STAU2: variants seen among roughly 807,000 people sequenced by gnomAD.
STAU2 encodes the protein staufen double-stranded RNA binding protein 2.
Under a neutral mutation model 65.9 loss-of-function variants are expected in STAU2, and 20 were observed. That is an observed-to-expected ratio of 0.30 (90% CI 0.21 to 0.44). The LOEUF (loss-of-function observed/expected upper bound fraction) is 0.44, where lower values mean the gene tolerates loss of function less well. STAU2 is among the 20% of genes least tolerant of loss of function. The probability of loss-of-function intolerance (pLI) is 1.00; values close to 1 mark genes in which losing one functional copy is unlikely to be tolerated. For missense variants in STAU2, 558 were observed against 683.9 expected, an observed-to-expected ratio of 0.82 and a Z score of 2.05; for synonymous variants, 232 against 233.9, an observed-to-expected ratio of 0.99 and a Z score of 0.07.
intron 12 of STAU2, among the ~76,000 whole-genome samples, chr8:73,552,745 T>C (rs572342816): frequency 6.6e-6 from 1 of 152,272 alleles, no homozygotes; most frequent in African/African-American, 2.4e-5. Flanking sequence ...AAAGGCTGAA[T>C]CAGTCCAAAT....
chr8:73,462,078 CTTAT>C (rs34464950), intron 13 of STAU2, among the ~76,000 whole-genome samples: 1 of 151,098 alleles, frequency 6.6e-6, no homozygotes. Context: ...TTTTTATTTA[CTTAT>C]TTATTTGTTT....
At chr8:73,671,107 C>A (rs528470558) in intron 6 of STAU2, among the ~76,000 whole-genome samples, 1 of 152,014 alleles carries the variant, frequency 6.6e-6, no homozygotes, top group East Asian at 1.9e-4. Context: ...TTCAGCCTCA[C>A]TAGTAATCAA....
intron 4 of STAU2, among the ~76,000 whole-genome samples, chr8:73,704,568 T>C (rs2130620465): frequency 6.6e-6 from 1 of 152,302 alleles, no homozygotes; most frequent in East Asian, 1.9e-4. Flanking sequence ...TTTTAAAAAC[T>C]TTAGTTCAAA....
chr8:73,484,083 G>A (rs751464073), intron 13 of STAU2, among the ~76,000 whole-genome samples: 3 of 152,100 alleles, frequency 2.0e-5, no homozygotes, highest in African/African-American at 7.2e-5. Flanking sequence ...TATTTAAAAA[G>A]CTACATTTCA....
intron 13 of STAU2, among the ~76,000 whole-genome samples, chr8:73,473,577 G>T (rs1820154808): frequency 6.6e-6 from 1 of 152,162 alleles, no homozygotes; most frequent in Non-Finnish European, 1.5e-5. Flanking sequence ...GCTGTGTGAG[G>T]ACTGGCACCT....
intron 13 of STAU2, among the ~76,000 whole-genome samples, chr8:73,518,352 G>C (rs1165505688): frequency 2.0e-5 from 3 of 152,160 alleles, no homozygotes; most frequent in Admixed American, 2.0e-4. Flanking sequence ...AATTTTTAAG[G>C]CTTCTTCCTT....
chr8:73,461,842 T>A (rs1462847036), intron 13 of STAU2, among the ~76,000 whole-genome samples: 1 of 152,138 alleles, frequency 6.6e-6, no homozygotes, highest in Non-Finnish European at 1.5e-5. Context: ...CACTTGGGAC[T>A]CTGCCCAGCC....
chr8:73,546,969 AAGT>A (rs1806979791), intron 13 of STAU2, among the ~76,000 whole-genome samples: 1 of 152,360 alleles, frequency 6.6e-6, no homozygotes, highest in Non-Finnish European at 1.5e-5. Flanking sequence ...AAATAATTCC[AAGT>A]AGTAGAATTT....
intron 3 of STAU2, among the ~76,000 whole-genome samples, chr8:73,715,533 T>A (rs1261615932): frequency 6.6e-6 from 1 of 152,038 alleles, no homozygotes; most frequent in Non-Finnish European, 1.5e-5. Flanking sequence ...TGATAAAGAT[T>A]TTTTTTAATA....
intron 3 of STAU2, among the ~76,000 whole-genome samples, chr8:73,737,290 C>G (rs1806501483): frequency 6.6e-6 from 1 of 151,992 alleles, no homozygotes; most frequent in South Asian, 2.1e-4. Context: ...CCTGCCTCAG[C>G]CTCCCGAGTA....
chr8:73,541,912 A>C (rs1806570768), intron 13 of STAU2, among the ~76,000 whole-genome samples: 1 of 152,152 alleles, frequency 6.6e-6, no homozygotes, highest in African/African-American at 2.4e-5. Context: ...AAGACTAAAG[A>C]AAAATAAATA....
chr8:73,728,316 C>T (rs1199026738), intron 3 of STAU2, among the ~76,000 whole-genome samples: 1 of 152,144 alleles, frequency 6.6e-6, no homozygotes, highest in Non-Finnish European at 1.5e-5. Context: ...CAGTACCACA[C>T]TATTTTGATC....
In STAU2 at chr8:73,490,056, T is replaced by C. The variant is rs144490937; in HGVS notation, c.1530+61956A>G. Among the ~76,000 whole-genome samples, 241 of 152,206 alleles carry C rather than the reference T, an allele frequency of 1.6e-3. 1 individual carries two copies. The highest frequency in any genetic ancestry group is 5.4e-3 in the African/African-American group (226 of 41,560). On this transcript the variant is annotated intron_variant, in intron 13 of 14. Coordinates refer to ENST00000524300, the MANE Select transcript of STAU2 (RefSeq NM_001164380.2). ...CCTTTGTTAATTTGCTACAGTTCTC[T>C]GCTCCAGTAACTTAAAAGTCATTTC... is the stretch of plus-strand genomic sequence containing the variant.
intron 6 of STAU2, among the ~76,000 whole-genome samples, chr8:73,625,465 C>G (rs565257608): frequency 1.3e-5 from 2 of 152,274 alleles, no homozygotes; most frequent in Admixed American, 1.3e-4. Context: ...AGTATATACT[C>G]TATGATTCCA....
chr8:73,603,606 GC>G, intron 10 of STAU2, 119 bp downstream of exon 10: 1 of 1,309,298 alleles, frequency 7.6e-7, no homozygotes, highest in Non-Finnish European at 1.0e-6. Flanking sequence ...CAGAATGAAT[GC>G]TTTAACTGGA....
chr8:73,433,492 T>C (rs1446139380), intron 13 of STAU2, among the ~76,000 whole-genome samples: 1 of 143,834 alleles, frequency 7.0e-6, no homozygotes, highest in African/African-American at 2.7e-5. Flanking sequence ...GTGTGAGCCA[T>C]CACGCCCCGC....
intron 13 of STAU2, among the ~76,000 whole-genome samples, chr8:73,499,139 T>G (rs1821597838): frequency 6.6e-6 from 1 of 151,776 alleles, no homozygotes. Flanking sequence ...TCTGCCTGTT[T>G]CCAGCCCACT....
chr8:73,527,805 C>G, intron 13 of STAU2: 1 of 1,534,874 alleles, frequency 6.5e-7, no homozygotes, highest in East Asian at 2.4e-5. Flanking sequence ...AGTAGTGAAC[C>G]TATAACAGAA....
chr8:73,495,530 CAT>C (rs1821363144), intron 13 of STAU2, among the ~76,000 whole-genome samples: 2 of 151,026 alleles, frequency 1.3e-5, no homozygotes, highest in South Asian at 2.1e-4. Flanking sequence ...AATATACTAT[CAT>C]AGAATCTTCC....
Sources: allele counts gnomAD v4.1 joint callset (sites outside exome capture counted in the v4.1 genomes callset), GRCh38; gene constraint gnomAD v4.1.1; transcripts MANE v1.5; gene names NCBI Gene and HGNC (gene_info 2026-07-23, HGNC 2026-07-21).